The following ENTHD1 variants were observed in gnomAD, a reference collection of about 807,000 sequenced individuals.
ENTHD1 encodes the protein ENTH domain containing 1.
ENTHD1 carries 23 observed loss-of-function variants against 39.1 expected under a neutral mutation model. That is an observed-to-expected ratio of 0.59 (90% CI 0.42 to 0.83). The LOEUF is 0.83. Among genes scored for constraint, ENTHD1 ranks in the 40% least tolerant of loss-of-function variants. The pLI is 0.00. For synonymous variants in ENTHD1, 230 were observed against 258.2 expected (o/e 0.89, Z 1.05); for missense variants, 624 against 705.4 (o/e 0.88, Z 1.31).
rs143017031 is a variant in ENTHD1 at position 39,840,275 on chromosome 22, G to T, written c.593-4317C>A. Among the ~76,000 whole-genome samples, 102 of 152,294 alleles carry T rather than the reference G, an allele frequency of 6.7e-4. 1 individual carries two copies. Among genetic ancestry groups the T allele is most frequent in the African/African-American group, 2.4e-3 (99 of 41,548 alleles). On this transcript the variant is annotated intron_variant, in intron 3 of 6. Coordinates refer to ENST00000325157, the MANE Select transcript of ENTHD1 (RefSeq NM_152512.4). ...TGAAGCCATTGAGTCATTCAAAGAT[G>T]AGTGCTTCGATACCAAGGTTGTAAG... is the stretch of plus-strand genomic sequence containing the variant.
Position 39,867,708 on chromosome 22 carries a change from A to G in ENTHD1, c.350-5701T>C, listed in dbSNP as rs2066197717. Among the ~76,000 whole-genome samples, 1 of 152,038 alleles carries G rather than the reference A, an allele frequency of 6.6e-6. No homozygotes were observed. Among genetic ancestry groups the G allele is most frequent in the Non-Finnish European group, 1.5e-5 (1 of 67,992 alleles). ...ATCTAAAATATCTGATCAAGTTTCC[A>G]GGATAGAAAACCTTCAGTTGGTTGC... On this transcript the variant is annotated intron_variant, in intron 2 of 6. Transcript: ENST00000325157. The surrounding 1 kb of genome is among the most constrained non-coding windows in gnomAD (Gnocchi z 4.5).
intron 3 of ENTHD1, among the ~76,000 whole-genome samples, chr22:39,837,216 A>G (rs2065913201): frequency 6.6e-6 from 1 of 152,162 alleles, no homozygotes; most frequent in Non-Finnish European, 1.5e-5. Context: ...CTACCTTCAA[A>G]TTGGTATATA....
intron 6 of ENTHD1, among the ~76,000 whole-genome samples, chr22:39,752,719 G>A (rs972881457): frequency 6.6e-6 from 1 of 152,180 alleles, no homozygotes; most frequent in African/African-American, 2.4e-5. Flanking sequence ...TAAAGTATAA[G>A]CTTTGAAAAT....
intron 5 of ENTHD1, among the ~76,000 whole-genome samples, chr22:39,812,963 A>T (rs1250124811): frequency 1.3e-5 from 2 of 152,058 alleles, no homozygotes; most frequent in African/African-American, 4.8e-5. Context: ...TTGTATTTTT[A>T]GTAAAGGTGG....
chr22:39,857,099 G>C (rs2066097576), intron 3 of ENTHD1, among the ~76,000 whole-genome samples: 1 of 152,112 alleles, frequency 6.6e-6, no homozygotes, highest in South Asian at 2.1e-4. Flanking sequence ...GCTCAGTGTA[G>C]TGAATGAGAC....
intron 5 of ENTHD1, among the ~76,000 whole-genome samples, chr22:39,790,124 ACAGT>A (rs1385891986): frequency 6.6e-6 from 1 of 152,174 alleles, no homozygotes; most frequent in Non-Finnish European, 1.5e-5. Flanking sequence ...AAGACAGTTG[ACAGT>A]CAGATCAAAG....
In ENTHD1 at chr22:39,765,539, A is replaced by G. The variant is rs1025105506; in HGVS notation, c.903T>C (p.Asp301=). The change falls in exon 6 of 7, where the codon GAT becomes GAC. Residue 301 remains aspartate, a synonymous_variant. Transcript: ENST00000325157. ...CTGTGACAGTATTTGTAAAGATACCATCTGATCTCTTGTCCAAACTCACAT... is the reference window on the plus strand; with the variant it reads ...CTGTGACAGTATTTGTAAAGATACCGTCTGATCTCTTGTCCAAACTCACAT... The part of the protein sequence containing the change: ...QRDVSLDKRS[D]GIFTNTVTEN... The G allele has an allele frequency of 3.7e-6, 6 of 1,613,912 alleles. No individual in the cohort carries two copies. Among genetic ancestry groups the G allele is most frequent in the Admixed American group, 1.7e-5 (1 of 59,968 alleles).
intron 5 of ENTHD1, among the ~76,000 whole-genome samples, chr22:39,768,904 C>T (rs139351678): frequency 4.5e-4 from 69 of 151,894 alleles, no homozygotes; most frequent in African/African-American, 1.6e-3. Context: ...TTCCTACTGT[C>T]GATGAACTAA....
chr22:39,782,388 A>C (rs1010291777), intron 5 of ENTHD1, among the ~76,000 whole-genome samples: 15 of 152,152 alleles, frequency 9.9e-5, no homozygotes, highest in Non-Finnish European at 1.8e-4. Context: ...ACCGTAAAAA[A>C]GAACTAATAG....
At chr22:39,880,406 G>A (rs1383552727) in intron 2 of ENTHD1, among the ~76,000 whole-genome samples, 1 of 152,176 alleles carries the variant, frequency 6.6e-6, no homozygotes, top group East Asian at 1.9e-4. Flanking sequence ...ATGAATACAT[G>A]TCATTGTACA....
chr22:39,786,632 T>C (rs911060685), intron 5 of ENTHD1, among the ~76,000 whole-genome samples: 2 of 152,050 alleles, frequency 1.3e-5, no homozygotes, highest in East Asian at 3.9e-4. Flanking sequence ...AGCTGTACAA[T>C]AGATCTCCAG....
rs536439495 is a variant in ENTHD1, at chr22:39,875,404, G to A, written c.349+11996C>T. 521 of 1,460,356 alleles carry A rather than the reference G, an allele frequency of 3.6e-4. 3 individuals are homozygous for A. In the South Asian group the frequency reaches 6.1e-3, roughly 17 times the overall value. 90.5% of individuals were successfully genotyped at this position (1,460,356 alleles called of 1,614,324 possible). The stretch of plus-strand genomic sequence containing the variant: ...TGCAGGCCACGGTGCCCGCCACCCC[G>A]GAGCAGCCTGTGTTGGACCTGAAGC... On this transcript the variant is annotated intron_variant, in intron 2 of 6. Transcript: ENST00000325157.
intron 5 of ENTHD1, among the ~76,000 whole-genome samples, chr22:39,799,441 G>T (rs2065580428): frequency 6.6e-6 from 1 of 152,144 alleles, no homozygotes; most frequent in Admixed American, 6.5e-5. Context: ...CCAGGTTCTT[G>T]TCTCATGACC....
intron 5 of ENTHD1, among the ~76,000 whole-genome samples, chr22:39,809,457 T>C (rs900757548): frequency 3.9e-5 from 6 of 152,194 alleles, no homozygotes; most frequent in African/African-American, 7.2e-5. Flanking sequence ...TCCCTGAGAC[T>C]GTAACATCTC....
intron 4 of ENTHD1, among the ~76,000 whole-genome samples, chr22:39,822,532 G>GTAGT (rs2065791365): frequency 1.3e-5 from 2 of 152,122 alleles, no homozygotes; most frequent in South Asian, 4.1e-4. Context: ...GTTTTACTGT[G>GTAGT]TAGTTCCTCC....
chr22:39,758,411 T>TA (rs1288533357), intron 6 of ENTHD1, among the ~76,000 whole-genome samples: 1 of 152,094 alleles, frequency 6.6e-6, no homozygotes, highest in Non-Finnish European at 1.5e-5. Flanking sequence ...TAGGGCTTTT[T>TA]AAAAAACATT....
At chr22:39,821,993 G>A (rs1422531605) in intron 4 of ENTHD1, among the ~76,000 whole-genome samples, 1 of 152,150 alleles carries the variant, frequency 6.6e-6, no homozygotes, top group African/African-American at 2.4e-5. Context: ...GAATTTGGGA[G>A]GAAAACAAGT....
intron 4 of ENTHD1, among the ~76,000 whole-genome samples, chr22:39,835,181 C>T (rs966754851): frequency 6.6e-6 from 1 of 151,970 alleles, no homozygotes; most frequent in Non-Finnish European, 1.5e-5. Context: ...AATTAATATA[C>T]CAATATCCGT....
intron 2 of ENTHD1, among the ~76,000 whole-genome samples, chr22:39,869,246 G>C (rs181858242): frequency 6.6e-6 from 1 of 152,182 alleles, no homozygotes; most frequent in Non-Finnish European, 1.5e-5. Flanking sequence ...TGAATGAAGA[G>C]AGTGTGGTAC....
Sources: gnomAD v4.1 joint callset for allele counts (sites outside exome capture counted in the v4.1 genomes callset) on GRCh38, gnomAD v4.1.1 for gene constraint, Gnocchi (gnomAD v3.1) non-coding constraint, MANE v1.5 for transcripts, NCBI Gene and HGNC (gene_info 2026-07-23, HGNC 2026-07-21) for gene names.